RIMS2: variants seen among roughly 807,000 people sequenced by gnomAD.
The protein encoded by RIMS2 is regulating synaptic membrane exocytosis protein 2.
A neutral mutation model predicts 174.4 loss-of-function variants in RIMS2; 59 were observed. The observed-to-expected ratio is 0.34, with a 90% confidence interval of 0.27 to 0.42. The LOEUF (loss-of-function observed/expected upper bound fraction) is 0.42, where lower values mean the gene tolerates loss of function less well. Ranked by LOEUF, RIMS2 falls within the 10% of genes least tolerant of loss-of-function variation. RIMS2 has a pLI of 1.00. For synonymous variants in RIMS2, 606 were observed against 572.5 expected, an observed-to-expected ratio of 1.06 and a Z score of -0.84; for missense variants, 1,620 against 1,666.3, an observed-to-expected ratio of 0.97 and a Z score of 0.48.
intron 1 of RIMS2, among the ~76,000 whole-genome samples, chr8:103,598,927 ATTG>A (rs1404200369): frequency 6.6e-6 from 1 of 151,896 alleles, no homozygotes; most frequent in East Asian, 1.9e-4. Flanking sequence ...ACAGTAAGTT[ATTG>A]TTGTTACCAT....
chr8:103,558,631 G>GTT (rs376332979), intron 1 of RIMS2, among the ~76,000 whole-genome samples: 6 of 149,204 alleles, frequency 4.0e-5, no homozygotes, highest in African/African-American at 1.2e-4. Context: ...GGATAAGATA[G>GTT]TTTTTTTTTT....
chr8:104,053,284 T>G (rs2154559134), intron 19 of RIMS2, among the ~76,000 whole-genome samples: 2 of 152,346 alleles, frequency 1.3e-5, no homozygotes, highest in Middle Eastern at 6.8e-3. Flanking sequence ...ATATTCTTAC[T>G]TTATAACTCA....
At chr8:103,553,110 G>T (rs866358095) in intron 1 of RIMS2, among the ~76,000 whole-genome samples, 1 of 152,030 alleles carries the variant, frequency 6.6e-6, no homozygotes, top group Non-Finnish European at 1.5e-5. Context: ...ATACCCAAAG[G>T]ATTATAAATC....
chr8:103,684,678 C>G (rs2096920809), intron 1 of RIMS2, among the ~76,000 whole-genome samples: 1 of 151,880 alleles, frequency 6.6e-6, no homozygotes, highest in African/African-American at 2.4e-5. Context: ...CTTCCGCCTC[C>G]CAGGTTCAAG....
At chr8:103,535,333 A>G (rs7009360) in intron 1 of RIMS2, among the ~76,000 whole-genome samples, 4,708 of 152,284 alleles carry the variant, frequency 0.031, 218 homozygotes, top group African/African-American at 0.1. Flanking sequence ...GCAATGAGCT[A>G]TACTGCTAGA....
exon 3 of RIMS2, chr8:103,766,419 G>A (rs762457053): frequency 3.7e-6 from 6 of 1,613,744 alleles, no homozygotes; most frequent in Middle Eastern, 1.7e-4. Context: ...AGGACCCTCA[G>A]GTGACTTATC....
At chr8:104,076,983 A>T (rs922817687) in intron 19 of RIMS2, among the ~76,000 whole-genome samples, 12 of 150,988 alleles carry the variant, frequency 7.9e-5, no homozygotes, top group African/African-American at 2.9e-4. Flanking sequence ...CACCCAGCTA[A>T]TTTTTTTGTC....
intron 3 of RIMS2, among the ~76,000 whole-genome samples, chr8:103,848,778 T>C (rs1359417399): frequency 6.6e-6 from 1 of 152,032 alleles, no homozygotes; most frequent in Non-Finnish European, 1.5e-5. Context: ...GACAGGACCC[T>C]CACTTTACCA....
intron 17 of RIMS2, among the ~76,000 whole-genome samples, chr8:103,994,050 C>CAAA (rs536495624): frequency 3.4e-5 from 3 of 88,306 alleles, no homozygotes; most frequent in Admixed American, 1.3e-4. Flanking sequence ...GACCCTGTCT[C>CAAA]AAAAAAAAAA....
At chr8:103,916,631 A>C in intron 8 of RIMS2, 94 bp downstream of exon 11, 1 of 1,013,342 alleles carries the variant, frequency 9.9e-7, no homozygotes, top group Non-Finnish European at 1.4e-6. Flanking sequence ...TGCTTTATGG[A>C]AATGAATTAT....
chr8:104,109,245 C>G (rs528933165), intron 19 of RIMS2, among the ~76,000 whole-genome samples: 1 of 140,792 alleles, frequency 7.1e-6, no homozygotes, highest in African/African-American at 2.7e-5. Flanking sequence ...TGCAGTGAGC[C>G]GAGATGGCAC....
chr8:103,906,316 C>T (rs949870328), intron 4 of RIMS2, among the ~76,000 whole-genome samples: 4 of 152,186 alleles, frequency 2.6e-5, no homozygotes, highest in Non-Finnish European at 5.9e-5. Flanking sequence ...ACTGTCTCAG[C>T]TTACTGCAAC....
At chr8:103,982,399 GC>G (rs1384376248) in intron 16 of RIMS2, among the ~76,000 whole-genome samples, 3 of 150,258 alleles carry the variant, frequency 2.0e-5, no homozygotes. Flanking sequence ...GTTCTACAAG[GC>G]CGTTATTACT....
chr8:103,632,232 G>C (rs1015341395), intron 1 of RIMS2, among the ~76,000 whole-genome samples: 25 of 152,240 alleles, frequency 1.6e-4, no homozygotes, highest in Admixed American at 1.3e-3. Context: ...TCCAGCTTTT[G>C]CTCATTCAGT....
chr8:104,201,319 A>G (rs2099053540), intron 19 of RIMS2, among the ~76,000 whole-genome samples: 1 of 152,186 alleles, frequency 6.6e-6, no homozygotes, highest in South Asian at 2.1e-4. Flanking sequence ...AGGGCTTTCC[A>G]AGCTAATTTT....
chr8:103,698,225 A>T (rs1204941994), intron 2 of RIMS2, among the ~76,000 whole-genome samples: 2 of 152,052 alleles, frequency 1.3e-5, no homozygotes, highest in Non-Finnish European at 2.9e-5. Context: ...GGATTACCTG[A>T]TTATGATTTT....
intron 3 of RIMS2, among the ~76,000 whole-genome samples, chr8:103,824,074 G>A (rs2154474989): frequency 6.6e-6 from 1 of 152,030 alleles, no homozygotes; most frequent in East Asian, 1.9e-4. Context: ...TGTGTCATTA[G>A]TATTTTCACT....
chr8:103,550,278 A>G (rs1422181143), intron 1 of RIMS2, among the ~76,000 whole-genome samples: 2 of 152,226 alleles, frequency 1.3e-5, no homozygotes, highest in Admixed American at 6.5e-5. Flanking sequence ...AGTGCAATCA[A>G]ACTAGAACTC....
chr8:103,713,244 A>G (rs1590924705), intron 2 of RIMS2, among the ~76,000 whole-genome samples: 2 of 152,126 alleles, frequency 1.3e-5, no homozygotes. Flanking sequence ...GTCTCGAACT[A>G]CTGACCTCAG....
Sources: allele counts gnomAD v4.1 joint callset (sites outside exome capture counted in the v4.1 genomes callset), GRCh38; gene constraint gnomAD v4.1.1; transcripts MANE v1.5; gene names NCBI Gene and HGNC (gene_info 2026-07-23, HGNC 2026-07-21).